Variants in CAB39L observed in about 807,000 individuals in gnomAD.
CAB39L encodes calcium-binding protein 39-like.
A neutral mutation model predicts 39.1 loss-of-function variants in CAB39L; 23 were observed. The ratio of observed to expected loss-of-function variants is 0.59; its 90% confidence interval spans 0.42 to 0.83. The LOEUF is 0.83. CAB39L is among the 40% of genes least tolerant of loss of function. CAB39L has a pLI of 0.00. For synonymous variants in CAB39L, 126 were observed against 137.2 expected, an observed-to-expected ratio of 0.92 and a Z score of 0.57; for missense variants, 366 against 391.9, an observed-to-expected ratio of 0.93 and a Z score of 0.56.
intron 10 of CAB39L, among the ~76,000 whole-genome samples, chr13:49,326,721 T>C (rs539868387): frequency 3.9e-5 from 6 of 152,336 alleles, no homozygotes; most frequent in South Asian, 2.1e-4. Context: ...GTTACACACA[T>C]ACAAGTAAAC....
At chr13:49,374,117 C>T (rs543320713) in intron 5 of CAB39L, among the ~76,000 whole-genome samples, 6 of 152,170 alleles carry the variant, frequency 3.9e-5, no homozygotes, top group Non-Finnish European at 7.4e-5. Context: ...TATTTTTCTA[C>T]AGGCTAGAGA....
At chr13:49,360,678 G>A (rs2138505899) in intron 5 of CAB39L, among the ~76,000 whole-genome samples, 1 of 152,286 alleles carries the variant, frequency 6.6e-6, no homozygotes, top group African/African-American at 2.4e-5. Flanking sequence ...ATCCCTATGT[G>A]TGGAGGGCAG....
At chr13:49,436,308 A>G (rs1430220094) in intron 1 of CAB39L, among the ~76,000 whole-genome samples, 1 of 152,230 alleles carries the variant, frequency 6.6e-6, no homozygotes, top group Non-Finnish European at 1.5e-5. Context: ...GATTGGAGTC[A>G]TCTCTTATTT....
intron 3 of CAB39L, among the ~76,000 whole-genome samples, chr13:49,403,225 G>A (rs1353446736): frequency 6.6e-6 from 1 of 152,046 alleles, no homozygotes; most frequent in African/African-American, 2.4e-5. Flanking sequence ...ACAGGAAACT[G>A]GGTTGAGTAT....
intron 3 of CAB39L, among the ~76,000 whole-genome samples, chr13:49,426,690 G>T (rs1432028554): frequency 3.3e-5 from 5 of 152,146 alleles, no homozygotes; most frequent in Non-Finnish European, 7.4e-5. Context: ...CTCCCAAAGT[G>T]GTGGGATTAC....
intron 4 of CAB39L, among the ~76,000 whole-genome samples, chr13:49,378,708 G>GT (rs1403642663): frequency 1.7e-5 from 1 of 58,322 alleles, no homozygotes; most frequent in Non-Finnish European, 3.4e-5. Flanking sequence ...CGTCCGGGAG[G>GT]GAGGTGGGGG....
At chr13:49,400,393 G>T (rs1280060014) in intron 3 of CAB39L, among the ~76,000 whole-genome samples, 2 of 151,040 alleles carry the variant, frequency 1.3e-5, no homozygotes, top group Non-Finnish European at 3.0e-5. Flanking sequence ...AATGTGAATA[G>T]ATATTTTTAA....
rs1955079386 is a variant in CAB39L at position 49,344,166 on chromosome 13, G to A, written c.624+13C>T. On this transcript the variant is annotated intron_variant, in intron 8 of 10. Coordinates refer to ENST00000409308, the MANE Select transcript of CAB39L (RefSeq NM_001079670.3). The stretch of plus-strand genomic sequence containing the variant: ...AGAAAGTGGGAAAGTCTTTAAAAAT[G>A]ATTTCTACTTACAGTGTCGTAATTT... The A allele has an allele frequency of 2.0e-6, 3 of 1,500,788 alleles. 1 individual carries two copies. In the Admixed American group the frequency reaches 5.0e-5, roughly 25 times the overall value. The allele number at this position is 1,500,788 out of a possible 1,614,324, so 93.0% of individuals were successfully genotyped here.
chr13:49,422,594 T>C (rs772766071), intron 3 of CAB39L, among the ~76,000 whole-genome samples: 2 of 151,412 alleles, frequency 1.3e-5, no homozygotes, highest in South Asian at 2.1e-4. Context: ...ATAAATATAA[T>C]TTTAAAGTGT....
At chr13:49,382,757 G>T in intron 4 of CAB39L, 43 bp downstream of exon 4, 1 of 1,219,912 alleles carries the variant, frequency 8.2e-7, no homozygotes, top group Non-Finnish European at 1.2e-6. Context: ...TTGGCATTGC[G>T]ATGCATGTAC....
In CAB39L at chr13:49,349,373, G is replaced by A. The variant is rs552075401; in HGVS notation, c.564+1371C>T. Among the ~76,000 whole-genome samples, 16 of 150,868 alleles carry A rather than the reference G, an allele frequency of 1.1e-4. No individual in the cohort carries two copies. The South Asian group carries it at 3.3e-3, about 31-fold the overall frequency. ...AAAAAAAGTTACATACGTATATCCT[G>A]AAAAAAGTATAAATTAATTTGGAGT... On this transcript the variant is annotated intron_variant, in intron 7 of 10. Transcript: ENST00000409308.
At chr13:49,345,613 T>G (rs1368313048) in intron 7 of CAB39L, among the ~76,000 whole-genome samples, 1 of 151,696 alleles carries the variant, frequency 6.6e-6, no homozygotes, top group Non-Finnish European at 1.5e-5. Flanking sequence ...GTCCCTACTC[T>G]TTTTTTTAAA....
chr13:49,428,714 C>A lies in CAB39L; in HGVS notation c.-32+4604G>T, dbSNP rs544534598. On this transcript the variant is annotated intron_variant, in intron 3 of 10. Transcript: ENST00000409308. The stretch of plus-strand genomic sequence containing the variant: ...CCAATAAACTTCTATATCTCTTTGG[C>A]CTGAAGAGAATAAAACAGTTACCCA... 3.5e-4 allele frequency among the ~76,000 whole-genome samples: 53 copies of A among 152,140 alleles called. No homozygotes were observed. The South Asian group carries it at 0.011, about 31-fold the overall frequency.
intron 3 of CAB39L, among the ~76,000 whole-genome samples, chr13:49,405,886 T>C (rs1594067587): frequency 6.6e-6 from 1 of 152,080 alleles, no homozygotes; most frequent in South Asian, 2.1e-4. Flanking sequence ...GAGGACATTA[T>C]GTTAAGTGAA....
intron 10 of CAB39L, among the ~76,000 whole-genome samples, chr13:49,329,584 T>A (rs1387219234): frequency 4.7e-5 from 5 of 106,866 alleles, no homozygotes; most frequent in South Asian, 3.1e-4. Flanking sequence ...TATATATATA[T>A]ATATATATAT....
At chr13:49,422,004 G>A (rs75955153) in intron 3 of CAB39L, among the ~76,000 whole-genome samples, 1,617 of 152,102 alleles carry the variant, frequency 0.011, 32 homozygotes, top group East Asian at 0.063. Flanking sequence ...TGATGGGGGC[G>A]GGGAGAGAGG....
At chr13:49,356,400 TTC>T (rs1233816208) in intron 6 of CAB39L, among the ~76,000 whole-genome samples, 1 of 152,206 alleles carries the variant, frequency 6.6e-6, no homozygotes, top group East Asian at 1.9e-4. Flanking sequence ...CATTCTCAAG[TTC>T]TCTCAGTACC....
At chr13:49,394,656 T>C (rs1365307040) in intron 3 of CAB39L, among the ~76,000 whole-genome samples, 1 of 152,166 alleles carries the variant, frequency 6.6e-6, no homozygotes, top group African/African-American at 2.4e-5. Flanking sequence ...AATTGTGATA[T>C]ACCCAGTTGA....
Position 49,310,817 on chromosome 13 carries a change from A to C in CAB39L, c.1011T>G (p.Pro337=), listed in dbSNP as rs781068414. The change falls in exon 11 of 11, where the codon CCT becomes CCG. Residue 337 remains proline (P), a synonymous_variant. Transcript: ENST00000409308. The part of the protein sequence containing the change: ...KQIRDLKKTA[P] ...GTGACAGGGGCCGGGGAGCTCTTCA[A>C]GGGGCCGTTTTCTTCAAGTCTCGGA... The C allele has an allele frequency of 1.9e-6, 3 of 1,613,716 alleles. No homozygotes were observed. In the East Asian group the frequency reaches 6.7e-5, roughly 36 times the overall value.
Sources: gnomAD v4.1 joint callset for allele counts (sites outside exome capture counted in the v4.1 genomes callset) on GRCh38, gnomAD v4.1.1 for gene constraint, MANE v1.5 for transcripts, NCBI Gene and HGNC (gene_info 2026-07-23, HGNC 2026-07-21) for gene names.